Variants in SLC17A6 observed in about 807,000 individuals in gnomAD.
SLC17A6 encodes the protein vesicular glutamate transporter 2.
A neutral mutation model predicts 67.1 loss-of-function variants in SLC17A6; 35 were observed. The observed-to-expected ratio is 0.52, with a 90% CI of 0.40 to 0.69. SLC17A6 has a LOEUF of 0.69. SLC17A6 is among the 30% of genes least tolerant of loss of function. The probability of loss-of-function intolerance (pLI) is 0.00; values close to 1 mark genes in which losing one functional copy is unlikely to be tolerated. For missense variants in SLC17A6, 588 were observed against 723.9 expected (o/e 0.81, Z 2.15); for synonymous variants, 285 against 252.3 (o/e 1.13, Z -1.23).
At chr11:22,344,343 A>G (rs977954619) in intron 3 of SLC17A6, among the ~76,000 whole-genome samples, 2 of 152,276 alleles carry the variant, frequency 1.3e-5, no homozygotes, top group African/African-American at 4.8e-5. Context: ...TAGTGGTCAT[A>G]TGCAACCTGG....
Position 22,365,624 on chromosome 11 carries a change from G to A in SLC17A6, c.826G>A (p.Asp276Asn). The change falls in exon 7 of 12, where the codon GAT (aspartate) becomes AAT (asparagine). Residue 276 changes from aspartate to asparagine, a missense_variant. By Grantham distance (23) the Asp-to-Asn change is conservative (BLOSUM62 1). This residue lies in a region of SLC17A6 where 414 missense variants were observed against 563.4 expected (regional missense o/e 0.73). Coordinates refer to ENST00000263160, the MANE Select transcript of SLC17A6 (RefSeq NM_020346.3). Reference protein sequence around the residue: ...ESPAKHPTITDEERRYIEESI... With the variant: ...ESPAKHPTITNEERRYIEESI... ...TCCTGCAAAGCATCCTACTATTACA[G>A]ATGAAGAACGTAGGTACATAGAAGA... The A allele has an allele frequency of 6.2e-7, 1 of 1,613,936 alleles. No homozygotes were observed. The highest frequency in any genetic ancestry group is 1.1e-5 in the South Asian group (1 of 91,068).
intron 3 of SLC17A6, among the ~76,000 whole-genome samples, chr11:22,343,655 A>T (rs1855844650): frequency 6.6e-6 from 1 of 152,094 alleles, no homozygotes; most frequent in African/African-American, 2.4e-5. Context: ...GCCTGACAGG[A>T]GCTGAGGGCA....
intron 1 of SLC17A6, among the ~76,000 whole-genome samples, chr11:22,341,265 C>G (rs1855812133): frequency 6.6e-6 from 1 of 152,184 alleles, no homozygotes; most frequent in Non-Finnish European, 1.5e-5. Flanking sequence ...AGGGGTGGAT[C>G]CCGAGATGGG....
chr11:22,369,046 C>T lies in SLC17A6; in HGVS notation c.892-993C>T, dbSNP rs75848929. ...CATTCAGGAATAATTGTTAAATCCA[C>T]GTGAAAGGTGTTTGCTTCCTCTTTC... is the stretch of plus-strand genomic sequence containing the variant. On this transcript the variant is annotated intron_variant, in intron 7 of 11. Transcript: ENST00000263160. 1.0e-3 allele frequency among the ~76,000 whole-genome samples: 154 copies of T among 150,680 alleles called. 4 individuals carry two copies. In the East Asian group the frequency reaches 0.027, roughly 27 times the overall value.
chr11:22,361,579 C>T (rs1856053485), intron 5 of SLC17A6, among the ~76,000 whole-genome samples: 1 of 151,984 alleles, frequency 6.6e-6, no homozygotes, highest in Non-Finnish European at 1.5e-5. Flanking sequence ...GCTATAATTT[C>T]CCATTCATTG....
At chr11:22,343,825 C>T in intron 3 of SLC17A6, among the ~76,000 whole-genome samples, 1 of 152,146 alleles carries the variant, frequency 6.6e-6, no homozygotes, top group Non-Finnish European at 1.5e-5. Context: ...CGTCCCCCGC[C>T]CAGTTGGTGC....
chr11:22,354,161 A>C (rs1855972944), intron 3 of SLC17A6, among the ~76,000 whole-genome samples: 1 of 151,446 alleles, frequency 6.6e-6, no homozygotes, highest in Non-Finnish European at 1.5e-5. Context: ...TCAGCTCACC[A>C]CAACCTCTGC....
intron 3 of SLC17A6, among the ~76,000 whole-genome samples, chr11:22,358,000 T>A (rs1220655625): frequency 6.6e-6 from 1 of 152,210 alleles, no homozygotes; most frequent in Non-Finnish European, 1.5e-5. Context: ...TAGAAAAAGT[T>A]TTAATTCACT....
In SLC17A6 at chr11:22,339,161, AT is replaced by A. The variant is rs1330772397; in HGVS notation, c.86+543del. On this transcript the variant is annotated intron_variant, in intron 1 of 11. Transcript: ENST00000263160. ...ATATATGTTATATATAGTTATATAT[AT>A]ATGTTATATATATATGTTTTATATA... Among the ~76,000 whole-genome samples, 73 of 57,112 alleles carry A rather than the reference AT, an allele frequency of 1.3e-3. 7 individuals carry two copies. The highest frequency in any genetic ancestry group is 4.9e-3 in the African/African-American group (66 of 13,486). The allele number at this position is 57,112 out of a possible 152,430, so 37.5% of individuals were successfully genotyped here.
intron 6 of SLC17A6, among the ~76,000 whole-genome samples, chr11:22,364,930 T>A (rs533554956): frequency 6.6e-6 from 1 of 152,166 alleles, no homozygotes; most frequent in East Asian, 1.9e-4. Flanking sequence ...GGCAATACTA[T>A]GTGCTGAAAA....
chr11:22,355,168 G>T (rs1026026435), intron 3 of SLC17A6, among the ~76,000 whole-genome samples: 1 of 152,122 alleles, frequency 6.6e-6, no homozygotes, highest in African/African-American at 2.4e-5. Context: ...AGTTACATAA[G>T]GTGCTCAAGG....
chr11:22,372,311 G>T (rs2133877119), intron 8 of SLC17A6, among the ~76,000 whole-genome samples: 1 of 150,274 alleles, frequency 6.7e-6, no homozygotes, highest in African/African-American at 2.4e-5. Flanking sequence ...TTATATATTG[G>T]CATAGGCTAA....
In SLC17A6 at chr11:22,377,797, A is replaced by C. The variant is rs1241578633; in HGVS notation, c.*57A>C. On this transcript the variant is annotated 3_prime_UTR_variant, in exon 12 of 12. Coordinates refer to ENST00000263160, the MANE Select transcript of SLC17A6 (RefSeq NM_020346.3). ...TTGTGATTAAATTCATTGTGATTGCACAAAAATTTTAAAAACACGTGATGT... is the reference window on the plus strand; with the variant it reads ...TTGTGATTAAATTCATTGTGATTGCCCAAAAATTTTAAAAACACGTGATGT... The C allele has an allele frequency of 5.7e-6, 8 of 1,406,192 alleles. No individual in the cohort carries two copies. The African/African-American group carries it at 1.0e-4, about 18-fold the overall frequency. 87.1% of individuals were successfully genotyped at this position (1,406,192 alleles called of 1,614,324 possible).
chr11:22,377,970 G>A lies in SLC17A6; in HGVS notation c.*230G>A, dbSNP rs1177213390. On this transcript the variant is annotated 3_prime_UTR_variant, in exon 12 of 12. Coordinates refer to ENST00000263160, the MANE Select transcript of SLC17A6 (RefSeq NM_020346.3). ...TCCATTCTTGCATTTGTGACTTAAA[G>A]GTTGACTGGTCAAAATTGTAGAAAC... 1 of 506,406 alleles carries A rather than the reference G, an allele frequency of 2.0e-6. No individual in the cohort carries two copies. Among genetic ancestry groups the A allele is most frequent in the East Asian group, 3.1e-5 (1 of 32,168 alleles). 31.4% of individuals were successfully genotyped at this position (506,406 alleles called of 1,614,324 possible).
rs1216966884 is a variant in SLC17A6 at position 22,339,110 on chromosome 11, ATATATGT to A, written c.86+497_86+503del. Reference sequence around the variant, plus strand: ...TATATGTTATATATATATGTTATATATATATGTTATATATATATGTTATATATATATG... The same window carrying A: ...TATATGTTATATATATATGTTATATATATATATATATGTTATATATATATG... On this transcript the variant is annotated intron_variant, in intron 1 of 11. Transcript: ENST00000263160. Among the ~76,000 whole-genome samples, 814 of 118,008 alleles carry A rather than the reference ATATATGT, an allele frequency of 6.9e-3. 52 individuals carry two copies. Among genetic ancestry groups the A allele is most frequent in the African/African-American group, 0.025 (765 of 30,810 alleles). 77.4% of individuals were successfully genotyped at this position (118,008 alleles called of 152,430 possible). A position where few individuals can be genotyped will look rare whatever the true frequency, so the allele number is the denominator to read the frequency against.
intron 2 of SLC17A6, 87 bp downstream of exon 2, chr11:22,341,867 G>T (rs1307017372): frequency 6.5e-7 from 1 of 1,533,926 alleles, no homozygotes; most frequent in Non-Finnish European, 8.8e-7. Context: ...CCGTTCCCCC[G>T]CCACTGAGAG....
intron 8 of SLC17A6, among the ~76,000 whole-genome samples, chr11:22,373,891 C>T (rs551199139): frequency 1.3e-5 from 2 of 152,150 alleles, no homozygotes; most frequent in Admixed American, 6.6e-5. Context: ...CTCAAACCTT[C>T]GATAATCTAA....
chr11:22,372,783 G>A (rs965394621), intron 8 of SLC17A6, among the ~76,000 whole-genome samples: 1 of 152,050 alleles, frequency 6.6e-6, no homozygotes, highest in African/African-American at 2.4e-5. Flanking sequence ...AAAATAATAA[G>A]CACACTTGTA....
At position 22,377,347 on chromosome 11, in the gene SLC17A6, G is replaced by A. The variant is rs1856242450; in HGVS notation, c.1414-58G>A. 2.1e-6 allele frequency: 3 copies of A among 1,447,336 alleles called. No individual in the cohort carries two copies. In the Admixed American group the frequency reaches 6.2e-5, roughly 30 times the overall value. 89.7% of individuals were successfully genotyped at this position (1,447,336 alleles called of 1,614,324 possible). A position where few individuals can be genotyped will look rare whatever the true frequency, so the allele number is the denominator to read the frequency against. ...CAGTGGTGGTGCATTCAGAGAAGAT[G>A]TTAGGCGTTTAAATCATGGGGAGTC... On this transcript the variant is annotated intron_variant, in intron 11 of 11. Transcript: ENST00000263160.
Sources: gnomAD v4.1 joint callset for allele counts (sites outside exome capture counted in the v4.1 genomes callset) on GRCh38, gnomAD v4.1.1 for gene constraint, gnomAD v4.1.1 regional missense constraint, MANE v1.5 for transcripts, NCBI Gene and HGNC (gene_info 2026-07-23, HGNC 2026-07-21) for gene names.